The following PRKG2 variants were observed in gnomAD, a reference collection of about 807,000 sequenced individuals.
PRKG2 encodes cGMP-dependent protein kinase 2.
A neutral mutation model predicts 97.2 loss-of-function variants in PRKG2; 33 were observed. The observed-to-expected ratio is 0.34, with a 90% CI of 0.26 to 0.45. The LOEUF (loss-of-function observed/expected upper bound fraction) is 0.45. Among genes scored for constraint, PRKG2 ranks in the 20% least tolerant of loss-of-function variants. PRKG2 has a pLI of 1.00. For synonymous variants in PRKG2, 330 were observed against 321.8 expected, an observed-to-expected ratio of 1.03 and a Z score of -0.27; for missense variants, 638 against 900.0, an observed-to-expected ratio of 0.71 and a Z score of 3.73.
rs1020429374 is a variant in PRKG2 at position 81,088,749 on chromosome 4, C to T, written c.*959G>A. 4 of 152,106 alleles carry T rather than the reference C, an allele frequency of 2.6e-5. No individual in the cohort carries two copies. Among genetic ancestry groups the T allele is most frequent in the Non-Finnish European group, 5.9e-5 (4 of 67,996 alleles). The allele number at this position is 152,106 out of a possible 1,614,324, so 9.4% of individuals were successfully genotyped here. On this transcript the variant is annotated 3_prime_UTR_variant, in exon 19 of 19. Transcript: ENST00000264399. ...CAATGGGATTTATATTAAAAATTAA[C>T]GATGATTCTATACAATTTTGGTTTA...
In PRKG2 at chr4:81,143,440, C is replaced by T. The variant is rs138831267; in HGVS notation, c.1254-493G>A. On this transcript the variant is annotated intron_variant, in intron 10 of 18. Transcript: ENST00000264399. Reference sequence around the variant, plus strand: ...AGTTTTATCAGATCTTGAAGCTTTGCATGGCTGAACCAAAATAACTGCTTT... The same window carrying T: ...AGTTTTATCAGATCTTGAAGCTTTGTATGGCTGAACCAAAATAACTGCTTT... 2.1e-3 allele frequency among the ~76,000 whole-genome samples: 314 copies of T among 152,312 alleles called. 4 individuals are homozygous for T. The highest frequency in any genetic ancestry group is 7.2e-3 in the African/African-American group (300 of 41,574).
chr4:81,168,565 A>C, intron 5 of PRKG2, among the ~76,000 whole-genome samples: 1 of 152,118 alleles, frequency 6.6e-6, no homozygotes, highest in East Asian at 1.9e-4. Flanking sequence ...GTGGCTTATC[A>C]GCTTTAAATG....
intron 6 of PRKG2, among the ~76,000 whole-genome samples, chr4:81,156,336 C>G (rs1749089464): frequency 2.0e-5 from 3 of 152,062 alleles, no homozygotes; most frequent in Admixed American, 2.0e-4. Flanking sequence ...ACAAAGAAGG[C>G]CATTATTTAA....
rs780302968 is a variant in PRKG2 at position 81,174,878 on chromosome 4, C to T, written c.543G>A (p.Val181=). Residue 181 remains valine (V), a synonymous_variant, in exon 3 of 19, where the codon GTG becomes GTA. Coordinates refer to ENST00000264399, the MANE Select transcript of PRKG2 (RefSeq NM_006259.3). ...GATAGTTTCTCCCATACATGCATTC[C>T]ACCATGTCTTTGATCTGCTGAGGAT... is the stretch of plus-strand genomic sequence containing the variant. ...RLDPQQIKDM[V]ECMYGRNYQQ... The T allele has an allele frequency of 6.2e-7, 1 of 1,612,630 alleles. No homozygotes were observed. Among genetic ancestry groups the T allele is most frequent in the Non-Finnish European group, 8.5e-7 (1 of 1,178,882 alleles).
chr4:81,108,404 G>A (rs192163301), intron 15 of PRKG2, among the ~76,000 whole-genome samples: 2 of 150,090 alleles, frequency 1.3e-5, no homozygotes, highest in Admixed American at 1.3e-4. Context: ...TATTTCACTT[G>A]TAAAGAAAAT....
intron 17 of PRKG2, among the ~76,000 whole-genome samples, chr4:81,100,053 GA>G (rs1742564943): frequency 6.6e-6 from 1 of 151,750 alleles, no homozygotes; most frequent in South Asian, 2.1e-4. Context: ...ACTGCTCGAT[GA>G]AATAAAAGAG....
At chr4:81,092,342 A>G (rs1231512712) in intron 18 of PRKG2, 44 bp downstream of exon 18, 2 of 1,339,558 alleles carry the variant, frequency 1.5e-6, no homozygotes, top group Non-Finnish European at 2.1e-6. Flanking sequence ...ACAAAAACAA[A>G]TCCCTGGGAA....
chr4:81,123,926 T>C (rs187669979), intron 14 of PRKG2, among the ~76,000 whole-genome samples: 132 of 152,228 alleles, frequency 8.7e-4, no homozygotes, highest in Non-Finnish European at 1.5e-3. Flanking sequence ...TCAGTTTGCA[T>C]GCTACTGTTG....
intron 16 of PRKG2, among the ~76,000 whole-genome samples, chr4:81,104,673 A>G (rs938925305): frequency 1.3e-5 from 2 of 152,014 alleles, no homozygotes; most frequent in African/African-American, 2.4e-5. Context: ...ATATATATAT[A>G]TGTGTGTATA....
intron 17 of PRKG2, 58 bp from the exon 18 acceptor site, chr4:81,092,510 A>AAGGAAGGAAGGAAGGG: frequency 9.6e-7 from 1 of 1,046,994 alleles, no homozygotes; most frequent in South Asian, 1.4e-5. Context: ...GGAAGGAAGG[A>AAGGAAGGAAGGAAGGG]AGGGAGAAAG....
At chr4:81,162,774 C>T (rs1185977692) in intron 6 of PRKG2, among the ~76,000 whole-genome samples, 2 of 152,138 alleles carry the variant, frequency 1.3e-5, no homozygotes, top group Non-Finnish European at 2.9e-5. Context: ...GCTGTCTTCA[C>T]CACATAGCTA....
At chr4:81,189,528 G>T (rs12648250) in intron 2 of PRKG2, among the ~76,000 whole-genome samples, 2 of 146,282 alleles carry the variant, frequency 1.4e-5, no homozygotes, top group Non-Finnish European at 3.0e-5. Flanking sequence ...ACCAAACACC[G>T]CGTATTCTCA....
In PRKG2 at chr4:81,142,939, A is replaced by G; in HGVS notation, c.1262T>C (p.Met421Thr). The change falls in exon 11 of 19, where the codon ATG becomes ACG. Residue 421 changes from methionine to threonine, a missense_variant. Around this residue, in one of 3 missense-constraint regions of PRKG2, gnomAD observed 304 missense variants for 460.5 expected, o/e 0.66. Coordinates refer to ENST00000264399, the MANE Select transcript of PRKG2 (RefSeq NM_006259.3). Reference sequence around the variant, plus strand: ...TGCTTTGGACAGCTTCCAGTTAGACATGGACCGCCTGTACAAGAGAAGTGA... The same window carrying G: ...TGCTTTGGACAGCTTCCAGTTAGACGTGGACCGCCTGTACAAGAGAAGTGA... ...DDEKRHAKRS[M>T]SNWKLSKALS... 6.2e-7 allele frequency: 1 copy of G among 1,609,528 alleles called. No individual in the cohort carries two copies. The highest frequency in any genetic ancestry group is 8.5e-7 in the Non-Finnish European group (1 of 1,177,196).
At chr4:81,108,002 C>T (rs970919882) in intron 15 of PRKG2, among the ~76,000 whole-genome samples, 13 of 151,792 alleles carry the variant, frequency 8.6e-5, no homozygotes, top group African/African-American at 2.9e-4. Context: ...GTTAGAAGTT[C>T]GAGACCAGCC....
At chr4:81,159,241 A>C (rs867305175) in intron 6 of PRKG2, among the ~76,000 whole-genome samples, 15 of 152,174 alleles carry the variant, frequency 9.9e-5, no homozygotes, top group African/African-American at 3.6e-4. Flanking sequence ...CAGAATCTAC[A>C]ATGAACTCAA....
chr4:81,216,217 A>G (rs979392536), upstream of PRKG2, among the ~76,000 whole-genome samples: 1 of 152,312 alleles, frequency 6.6e-6, no homozygotes, highest in Middle Eastern at 3.4e-3. Context: ...AATGAGGCCC[A>G]TGTAAAATAT....
intron 14 of PRKG2, among the ~76,000 whole-genome samples, chr4:81,129,769 C>T (rs565449509): frequency 6.6e-5 from 10 of 152,164 alleles, no homozygotes; most frequent in African/African-American, 1.9e-4. Flanking sequence ...CACACCGATG[C>T]ATCTTGACTC....
upstream of PRKG2, among the ~76,000 whole-genome samples, chr4:81,215,363 T>C (rs932713465): frequency 6.6e-6 from 1 of 152,178 alleles, no homozygotes; most frequent in Non-Finnish European, 1.5e-5. Flanking sequence ...AGCCCGAACC[T>C]TTACTCCCGA....
At chr4:81,092,308 C>T (rs912005651) in intron 18 of PRKG2, 78 bp downstream of exon 18, 1 of 903,172 alleles carries the variant, frequency 1.1e-6, no homozygotes, top group Admixed American at 2.7e-5. Context: ...TGGGCATATA[C>T]ATACACACAT....
Sources: allele counts gnomAD v4.1 joint callset (sites outside exome capture counted in the v4.1 genomes callset), GRCh38; gene constraint gnomAD v4.1.1; regional missense constraint gnomAD v4.1.1; transcripts MANE v1.5; gene names NCBI Gene and HGNC (gene_info 2026-07-23, HGNC 2026-07-21).